Variants in TMEM222 observed in about 807,000 individuals in gnomAD.
TMEM222 encodes the protein chromosome 1 open reading frame 160.
Under a neutral mutation model 25.1 loss-of-function variants are expected in TMEM222, and 18 were observed. The observed-to-expected ratio is 0.72, with a 90% CI of 0.50 to 1.06. TMEM222 has a LOEUF of 1.06. Among genes scored for constraint, TMEM222 ranks in the 50% least tolerant of loss-of-function variants. TMEM222 has a pLI of 0.00. For missense variants in TMEM222, 296 were observed against 293.7 expected, an observed-to-expected ratio of 1.01 and a Z score of -0.06; for synonymous variants, 131 against 117.9, an observed-to-expected ratio of 1.11 and a Z score of -0.72.
intron 1 of TMEM222, chr1:27,325,514 C>A: frequency 6.8e-7 from 1 of 1,460,898 alleles, no homozygotes. Context: ...TCAACTCCAT[C>A]ATGAAGTGTG....
intron 3 of TMEM222, 58 bp downstream of exon 3, chr1:27,332,159 G>A: frequency 1.2e-6 from 2 of 1,606,496 alleles, no homozygotes; most frequent in Non-Finnish European, 1.7e-6. Context: ...TGCCGGGGCG[G>A]GCCAGGCCTT....
intron 1 of TMEM222, among the ~76,000 whole-genome samples, chr1:27,322,655 G>C (rs770254621): frequency 6.6e-6 from 1 of 152,244 alleles, no homozygotes; most frequent in Non-Finnish European, 1.5e-5. Context: ...TGGGAGACTC[G>C]AGCTGTGAGT....
intron 5 of TMEM222, chr1:27,334,975 C>T: frequency 3.0e-6 from 1 of 334,554 alleles, no homozygotes; most frequent in Non-Finnish European, 5.2e-6. Flanking sequence ...CCAGAGCTCC[C>T]AGTAGTCCCC....
chr1:27,327,577 CAG>C (rs2014383124), intron 1 of TMEM222, among the ~76,000 whole-genome samples: 1 of 152,156 alleles, frequency 6.6e-6, no homozygotes, highest in Non-Finnish European at 1.5e-5. Context: ...TTAGTATAGA[CAG>C]GGTTTCGCCA....
intron 3 of TMEM222, 101 bp from the exon 4 acceptor site, chr1:27,333,857 C>A: frequency 1.9e-6 from 2 of 1,058,138 alleles, no homozygotes; most frequent in Non-Finnish European, 2.8e-6. Context: ...CATCTCAGCA[C>A]CCAGCTCAGG....
At position 27,336,181 on chromosome 1, in the gene TMEM222, C is replaced by T. The variant is rs2014603142; in HGVS notation, c.*715C>T. On this transcript the variant is annotated 3_prime_UTR_variant, in exon 6 of 6. Coordinates refer to ENST00000374076, the MANE Select transcript of TMEM222 (RefSeq NM_032125.3). ...ACAGAGCAGTGTAGACAGCACTCAG[C>T]CCCAGCCCCAGGTGTGGACCTCATG... 1 of 152,440 alleles carries T rather than the reference C, an allele frequency of 6.6e-6. No individual in the cohort carries two copies. Among genetic ancestry groups the T allele is most frequent in the South Asian group, 2.1e-4 (1 of 4,840 alleles). The allele number at this position is 152,440 out of a possible 1,614,324, so 9.4% of individuals were successfully genotyped here.
intron 5 of TMEM222, chr1:27,335,143 C>A (rs1404217315): frequency 1.0e-5 from 6 of 574,266 alleles, no homozygotes; most frequent in Non-Finnish European, 1.9e-5. Context: ...AGCGAGGTGT[C>A]AGTAAATCAC....
intron 2 of TMEM222, chr1:27,331,163 G>A (rs2014470024): frequency 2.6e-6 from 3 of 1,134,744 alleles, no homozygotes; most frequent in Non-Finnish European, 3.3e-6. Flanking sequence ...GGGGGACACG[G>A]GAGGCTGATT....
chr1:27,325,266 A>T (rs932800983), intron 1 of TMEM222: 71 of 519,430 alleles, frequency 1.4e-4, no homozygotes, highest in African/African-American at 1.3e-3. Context: ...GATACAGAGA[A>T]GATTAGCATG....
intron 1 of TMEM222, among the ~76,000 whole-genome samples, chr1:27,326,542 AAAG>A (rs1297284111): frequency 1.3e-5 from 2 of 152,210 alleles, no homozygotes; most frequent in Admixed American, 1.3e-4. Context: ...AAGGGAAAAA[AAAG>A]AAACTAGTTT....
chr1:27,335,039 T>C (rs1411881836), intron 5 of TMEM222: 1 of 359,782 alleles, frequency 2.8e-6, no homozygotes, highest in Non-Finnish European at 5.2e-6. Context: ...CAAACTGCAA[T>C]TCCTGGTCCT....
At position 27,330,788 on chromosome 1, in the gene TMEM222, G is replaced by T; in HGVS notation, c.263G>T (p.Gly88Val). 6.2e-7 allele frequency: 1 copy of T among 1,614,168 alleles called. No homozygotes were observed. Among genetic ancestry groups the T allele is most frequent in the Non-Finnish European group, 8.5e-7 (1 of 1,180,028 alleles). Residue 88 changes from glycine (G) to valine (V), a missense_variant, in exon 2 of 6, where the codon GGC becomes GTC. Gly to Val is a moderately radical substitution (Grantham distance 109). Transcript: ENST00000374076. ...TSTGVIRDFA[G>V]PYFVSEDNMA... ...ACAGGAGTCATTCGGGACTTCGCGG[G>T]CCCCTACTTTGTCTCAGTGAGTCCC...
At chr1:27,334,514 G>C (rs1024090687) in intron 5 of TMEM222, 188 of 1,373,294 alleles carry the variant, frequency 1.4e-4, no homozygotes, top group Non-Finnish European at 1.7e-4. Flanking sequence ...CTTGCCTGCT[G>C]TGAGACCATG....
intron 3 of TMEM222, chr1:27,333,334 A>G: frequency 2.1e-6 from 1 of 471,092 alleles, no homozygotes; most frequent in South Asian, 1.5e-5. Context: ...ATGCCTGCCT[A>G]ACCCTCTTCC....
intron 1 of TMEM222, among the ~76,000 whole-genome samples, chr1:27,327,627 C>G (rs1399488069): frequency 6.6e-6 from 1 of 152,146 alleles, no homozygotes; most frequent in Non-Finnish European, 1.5e-5. Context: ...GACCTCAAGT[C>G]ATCCACCGGC....
intron 1 of TMEM222, among the ~76,000 whole-genome samples, chr1:27,327,935 T>C (rs1445147198): frequency 6.6e-6 from 1 of 152,240 alleles, no homozygotes; most frequent in East Asian, 1.9e-4. Context: ...TGCAGGATGT[T>C]CATTCATTAT....
chr1:27,324,338 A>C (rs2014287556), intron 1 of TMEM222, among the ~76,000 whole-genome samples: 1 of 152,248 alleles, frequency 6.6e-6, no homozygotes, highest in African/African-American at 2.4e-5. Flanking sequence ...AAAAAAGAAA[A>C]TAACTGGGAG....
Position 27,322,330 on chromosome 1 carries a change from A to G in TMEM222, c.133A>G (p.Met45Val), listed in dbSNP as rs917464753. The G allele has an allele frequency of 1.9e-6, 3 of 1,547,040 alleles. No homozygotes were observed. Among genetic ancestry groups the G allele is most frequent in the African/African-American group, 1.4e-5 (1 of 71,326 alleles). Reference sequence around the variant, plus strand: ...ATATCAAGGCTCCGGCGGCGTCGCCATGGATGTGGAACGGAGTCGCTTCCC... The same window carrying G: ...ATATCAAGGCTCCGGCGGCGTCGCCGTGGATGTGGAACGGAGTCGCTTCCC... The part of the protein sequence containing the change: ...KQYQGSGGVA[M>V]DVERSRFPYC... The change falls in exon 1 of 6, where the codon ATG (methionine) becomes GTG (valine). Residue 45 changes from methionine (M) to valine (V), a missense_variant. Transcript: ENST00000374076.
At chr1:27,334,081 C>T (rs1251289740) in intron 4 of TMEM222, 27 bp downstream of exon 4, 5 of 1,613,914 alleles carry the variant, frequency 3.1e-6, no homozygotes, top group Non-Finnish European at 4.2e-6. Flanking sequence ...GGCACCGGCA[C>T]TCCCCAGGTG....
Sources: gnomAD v4.1 joint callset for allele counts (sites outside exome capture counted in the v4.1 genomes callset) on GRCh38, gnomAD v4.1.1 for gene constraint, MANE v1.5 for transcripts, NCBI Gene and HGNC (gene_info 2026-07-23, HGNC 2026-07-21) for gene names.